The following SPATA6 variants were observed in gnomAD, a reference collection of about 807,000 sequenced individuals.
SPATA6 encodes the protein spermatogenesis associated 6, also known as spermatogenesis-associated protein 6.
A neutral mutation model predicts 65.3 loss-of-function variants in SPATA6; 56 were observed. The observed-to-expected ratio is 0.86, with a 90% confidence interval of 0.69 to 1.07. The LOEUF (loss-of-function observed/expected upper bound fraction) is 1.07. SPATA6 is among the 50% of genes least tolerant of loss of function. The pLI is 0.00. For synonymous variants in SPATA6, 199 were observed against 213.2 expected (o/e 0.93, Z 0.58); for missense variants, 590 against 594.8 (o/e 0.99, Z 0.08).
rs1189996864 is a variant in SPATA6 at position 48,325,413 on chromosome 1, C to A, written c.1195-19535G>T. 5.9e-6 allele frequency: 8 copies of A among 1,357,870 alleles called. No individual in the cohort carries two copies. In the East Asian group the frequency reaches 6.9e-5, roughly 12 times the overall value. The allele number at this position is 1,357,870 out of a possible 1,614,324, so 84.1% of individuals were successfully genotyped here. On this transcript the variant is annotated intron_variant, in intron 11 of 12. Coordinates refer to ENST00000371847, the MANE Select transcript of SPATA6 (RefSeq NM_019073.4). ...CAGGCCCAAGGAGCCAGGGCCCTCC[C>A]CCAGCTTCTTCTTGACTGGGACCAC...
intron 2 of SPATA6, 70 bp downstream of exon 2, chr1:48,452,924 G>T: frequency 6.5e-7 from 1 of 1,530,494 alleles, no homozygotes; most frequent in Non-Finnish European, 8.8e-7. Context: ...TGTGTTATAG[G>T]CTTTTATTCA....
chr1:48,275,855 G>A, the SPATA6 span, among the ~76,000 whole-genome samples: 1 of 152,202 alleles, frequency 6.6e-6, no homozygotes, highest in Non-Finnish European at 1.5e-5. Flanking sequence ...CATAAAATGA[G>A]TTATGGAGGA....
chr1:48,410,836 CT>C (rs1652158824), intron 5 of SPATA6, among the ~76,000 whole-genome samples: 1 of 152,216 alleles, frequency 6.6e-6, no homozygotes, highest in African/African-American at 2.4e-5. Context: ...GGTCCCACCC[CT>C]GACACACAAG....
Position 48,418,544 on chromosome 1 carries a change from CAAAAAAAAAAAAAAAAA to C in SPATA6, c.239-5410_239-5394del, listed in dbSNP as rs34415296. Among the ~76,000 whole-genome samples the C allele has an allele frequency of 1.9e-3, 92 of 49,714 alleles. 2 individuals carry two copies. The South Asian group carries it at 0.047, about 25-fold the overall frequency. 32.6% of individuals were successfully genotyped at this position (49,714 alleles called of 152,430 possible). A position where few individuals can be genotyped will look rare whatever the true frequency, so the allele number is the denominator to read the frequency against. On this transcript the variant is annotated intron_variant, in intron 3 of 12. Transcript: ENST00000371847. ...GCAACATGGCAAGAACCCATCCCTA[CAAAAAAAAAAAAAAAAA>C]AAAAAAAAAAAAAAAAATTAGCTGG...
chr1:48,436,603 G>T, intron 3 of SPATA6: 1 of 1,613,730 alleles, frequency 6.2e-7, no homozygotes, highest in Non-Finnish European at 8.5e-7. Context: ...GGTTAAGCAT[G>T]GACAGAGGCA....
At chr1:48,280,515 C>G in the SPATA6 span, among the ~76,000 whole-genome samples, 3 of 152,148 alleles carry the variant, frequency 2.0e-5, no homozygotes, top group African/African-American at 7.2e-5. Flanking sequence ...CCACCGATCA[C>G]ACAGAAATAC....
chr1:48,406,988 G>A (rs1379542232), intron 5 of SPATA6, among the ~76,000 whole-genome samples: 1 of 152,158 alleles, frequency 6.6e-6, no homozygotes, highest in Non-Finnish European at 1.5e-5. Context: ...TTCTGCCAGG[G>A]CAACAAACTA....
At position 48,451,615 on chromosome 1, in the gene SPATA6, T is replaced by C; in HGVS notation, c.190-15A>G. The stretch of plus-strand genomic sequence containing the variant: ...TCCGGGAACACCTATAGTGAGACGA[T>C]ACAGGGAGAGGCAGGAAGGAAGATA... On this transcript the variant is annotated splice_polypyrimidine_tract_variant and intron_variant, in intron 2 of 12. Coordinates refer to ENST00000371847, the MANE Select transcript of SPATA6 (RefSeq NM_019073.4). 3.1e-6 allele frequency: 5 copies of C among 1,607,150 alleles called. No homozygotes were observed. Among genetic ancestry groups the C allele is most frequent in the Non-Finnish European group, 4.2e-6 (5 of 1,177,070 alleles).
At chr1:48,305,359 G>T (rs1336022199) in intron 12 of SPATA6, among the ~76,000 whole-genome samples, 5 of 152,032 alleles carry the variant, frequency 3.3e-5, no homozygotes, top group Non-Finnish European at 7.4e-5. Flanking sequence ...ACACAGAGCT[G>T]TCAAAAATCT....
chr1:48,374,528 C>A (rs1433024334), intron 9 of SPATA6, among the ~76,000 whole-genome samples: 1 of 152,122 alleles, frequency 6.6e-6, no homozygotes, highest in Non-Finnish European at 1.5e-5. Flanking sequence ...TCAATTCTTG[C>A]CCAGGAAAAT....
At chr1:48,398,520 T>A (rs1266431799) in intron 7 of SPATA6, among the ~76,000 whole-genome samples, 2 of 151,738 alleles carry the variant, frequency 1.3e-5, no homozygotes, top group African/African-American at 2.4e-5. Flanking sequence ...TTTATAGATA[T>A]CCCAAAAAGT....
At chr1:48,411,008 G>GT (rs758598688) in intron 5 of SPATA6, among the ~76,000 whole-genome samples, 8 of 152,268 alleles carry the variant, frequency 5.3e-5, no homozygotes, top group Admixed American at 1.3e-4. Context: ...TCATATGGTT[G>GT]TTTTAACTTG....
chr1:48,276,684 G>C, the SPATA6 span, among the ~76,000 whole-genome samples: 3 of 152,180 alleles, frequency 2.0e-5, no homozygotes, highest in African/African-American at 7.2e-5. Flanking sequence ...TGATTGCACT[G>C]TGGTCTGAGA....
At chr1:48,313,895 T>G (rs6687462) in intron 11 of SPATA6, among the ~76,000 whole-genome samples, 37,231 of 151,908 alleles carry the variant, frequency 0.25, 4,773 homozygotes, top group Admixed American at 0.3. Context: ...GCAATCCCAG[T>G]CTCTGATAAA....
At chr1:48,391,596 C>T (rs1041551062) in intron 8 of SPATA6, among the ~76,000 whole-genome samples, 4 of 152,010 alleles carry the variant, frequency 2.6e-5, no homozygotes, top group Admixed American at 6.6e-5. Flanking sequence ...TCTGAGGTTT[C>T]CCAATGTTCA....
intron 4 of SPATA6, 37 bp downstream of exon 4, chr1:48,413,071 GAT>G (rs1652411896): frequency 1.5e-6 from 1 of 662,502 alleles, no homozygotes; most frequent in Non-Finnish European, 2.2e-6. Context: ...ATCAATTTAT[GAT>G]ATCTTATATT....
chr1:48,427,810 T>A (rs1177045105), intron 3 of SPATA6, among the ~76,000 whole-genome samples: 1 of 152,126 alleles, frequency 6.6e-6, no homozygotes, highest in African/African-American at 2.4e-5. Context: ...TTAATCATAA[T>A]TCCATTGCCC....
intron 7 of SPATA6, among the ~76,000 whole-genome samples, chr1:48,398,075 CTTAAAA>C (rs761137104): frequency 1.3e-5 from 2 of 151,334 alleles, no homozygotes; most frequent in African/African-American, 2.4e-5. Flanking sequence ...TGTGGGAAGA[CTTAAAA>C]TTAAAGGCAT....
At chr1:48,469,241 A>G (rs1036692446) in intron 1 of SPATA6, among the ~76,000 whole-genome samples, 3 of 152,192 alleles carry the variant, frequency 2.0e-5, no homozygotes, top group African/African-American at 7.2e-5. Flanking sequence ...ATACATAAAC[A>G]TACACATACA....
Sources: allele counts gnomAD v4.1 joint callset (sites outside exome capture counted in the v4.1 genomes callset), GRCh38; gene constraint gnomAD v4.1.1; transcripts MANE v1.5; gene names NCBI Gene and HGNC (gene_info 2026-07-23, HGNC 2026-07-21).